TMTC4: variants seen among roughly 807,000 people sequenced by gnomAD.
TMTC4 encodes the protein protein O-mannosyl-transferase TMTC4.
In TMTC4, 65 loss-of-function variants were observed where a neutral mutation model predicts 86.0. That is an observed-to-expected ratio of 0.76 (90% CI 0.62 to 0.93). TMTC4 has a LOEUF of 0.93. Among genes scored for constraint, TMTC4 ranks in the 40% least tolerant of loss-of-function variants. The pLI, the probability that TMTC4 is intolerant of heterozygous loss-of-function variation, is 0.00. For synonymous variants in TMTC4, 379 were observed against 382.5 expected (o/e 0.99, Z 0.11); for missense variants, 866 against 948.1 (o/e 0.91, Z 1.14).
At chr13:100,615,997 G>A (rs1878423957) in intron 15 of TMTC4, among the ~76,000 whole-genome samples, 1 of 151,726 alleles carries the variant, frequency 6.6e-6, no homozygotes, top group Non-Finnish European at 1.5e-5. Flanking sequence ...TTGGTTTTCT[G>A]TTCCTGGATT....
In TMTC4 at chr13:100,612,525, T is replaced by C; in HGVS notation, c.1952-15A>G. 1 of 1,593,122 alleles carries C rather than the reference T, an allele frequency of 6.3e-7. No individual in the cohort carries two copies. The highest frequency in any genetic ancestry group is 8.6e-7 in the Non-Finnish European group (1 of 1,163,942). On this transcript the variant is annotated splice_polypyrimidine_tract_variant and intron_variant, in intron 16 of 18. Coordinates refer to ENST00000342624, the MANE Select transcript of TMTC4 (RefSeq NM_032813.5). ...GGCTAAATTACCTGGGAGTGAAAAA[T>C]GGAAAAATAAAAGACATGTTAATGT...
At chr13:100,607,288 G>A (rs1876783316) in intron 17 of TMTC4, among the ~76,000 whole-genome samples, 1 of 152,172 alleles carries the variant, frequency 6.6e-6, no homozygotes, top group South Asian at 2.1e-4. Context: ...AAGCCAAGGT[G>A]GGCAGATCAC....
rs1302468867 is a variant in TMTC4 at position 100,662,975 on chromosome 13, G to C, written c.541C>G (p.His181Asp). 1 of 1,613,764 alleles carries C rather than the reference G, an allele frequency of 6.2e-7. No homozygotes were observed. Among genetic ancestry groups the C allele is most frequent in the East Asian group, 2.2e-5 (1 of 44,904 alleles). Residue 181 changes from histidine to aspartate, a missense_variant, in exon 5 of 19, where the codon CAC (histidine) becomes GAC (aspartate). Transcript: ENST00000342624. ...CAGACGACACTTACACACTCGGTGT[G>C]CACAGGATGGACAGCAAACAGCAGC... ...AALLFAVHPV[H>D]TECVAGVVGR...
In TMTC4 at chr13:100,664,242, G is replaced by A; in HGVS notation, c.314C>T (p.Pro105Leu). 2 of 1,611,860 alleles carry A rather than the reference G, an allele frequency of 1.2e-6. No homozygotes were observed. Among genetic ancestry groups the A allele is most frequent in the Non-Finnish European group, 1.7e-6 (2 of 1,178,978 alleles). ...SSNTSHKSYRPLTVLTFRINY... is the reference protein window; with the variant it reads ...SSNTSHKSYRLLTVLTFRINY... Reference sequence around the variant, plus strand: ...TTACCTGAAAGTCAGGACGGTGAGAGGCCGGTAGGACTTGTGGCTGGTGTT... The same window carrying A: ...TTACCTGAAAGTCAGGACGGTGAGAAGCCGGTAGGACTTGTGGCTGGTGTT... Residue 105 changes from proline (P) to leucine (L), a missense_variant, in exon 4 of 19, where the codon CCT becomes CTT. Coordinates refer to ENST00000342624, the MANE Select transcript of TMTC4 (RefSeq NM_032813.5).
At chr13:100,649,790 T>TA (rs1196229544) in intron 6 of TMTC4, among the ~76,000 whole-genome samples, 1 of 151,078 alleles carries the variant, frequency 6.6e-6, no homozygotes, top group East Asian at 1.9e-4. Flanking sequence ...AATAAATAAA[T>TA]AAATAAAAAT....
chr13:100,660,188 G>A (rs961853968), intron 5 of TMTC4, among the ~76,000 whole-genome samples: 11 of 151,508 alleles, frequency 7.3e-5, no homozygotes, highest in East Asian at 2.0e-4. Context: ...AAAATTAACC[G>A]GATGTGGTGG....
chr13:100,605,050 C>G lies in TMTC4; in HGVS notation c.2227G>C (p.Glu743Gln). 1 of 1,614,068 alleles carries G rather than the reference C, an allele frequency of 6.2e-7. No homozygotes were observed. Among genetic ancestry groups the G allele is most frequent in the Non-Finnish European group, 8.5e-7 (1 of 1,179,994 alleles). Residue 743 changes from glutamate (E) to glutamine (Q), a missense_variant, in exon 19 of 19, where the codon GAG (glutamate) becomes CAG (glutamine). Transcript: ENST00000342624. This position sits in a 1 kb window ranked among gnomAD's most constrained non-coding sequence, Gnocchi z 4.3. ...TTTCTTCTCAGCAGACCGTAATTCT[C>G]CTTAGTTCCTGATGCCGTGGGGTCA... ...QLDPTASGTK[E>Q]NYGLLRRKLE... is the part of the protein sequence containing the mutation.
At chr13:100,666,534 T>G (rs1328172508) in intron 3 of TMTC4, among the ~76,000 whole-genome samples, 1 of 152,234 alleles carries the variant, frequency 6.6e-6, no homozygotes, top group Non-Finnish European at 1.5e-5. Flanking sequence ...GTGTTTTTCT[T>G]CTTCCTGGCT....
At chr13:100,639,573 T>C (rs1377408784) in intron 7 of TMTC4, among the ~76,000 whole-genome samples, 1 of 152,192 alleles carries the variant, frequency 6.6e-6, no homozygotes, top group African/African-American at 2.4e-5. Flanking sequence ...TAATCCAATT[T>C]TTGAGAATAG....
At chr13:100,639,205 A>G (rs568453096) in intron 7 of TMTC4, among the ~76,000 whole-genome samples, 2 of 152,298 alleles carry the variant, frequency 1.3e-5, no homozygotes, top group East Asian at 1.9e-4. Flanking sequence ...GTCAGTGGTA[A>G]TTTGTGGTTT....
At chr13:100,665,399 C>T (rs2139045536) in intron 3 of TMTC4, among the ~76,000 whole-genome samples, 1 of 152,322 alleles carries the variant, frequency 6.6e-6, no homozygotes, top group Admixed American at 6.5e-5. Context: ...TAACCAAACT[C>T]TGATTAATTT....
At chr13:100,606,542 C>T in intron 17 of TMTC4, 115 bp from the exon 18 acceptor site, 1 of 803,730 alleles carries the variant, frequency 1.2e-6, no homozygotes, top group Non-Finnish European at 2.0e-6. Flanking sequence ...TGTATCAATG[C>T]ATTCCTCCAG....
intron 12 of TMTC4, among the ~76,000 whole-genome samples, chr13:100,633,074 A>G (rs1182928364): frequency 6.6e-6 from 1 of 152,092 alleles, no homozygotes; most frequent in African/African-American, 2.4e-5. Flanking sequence ...GCACTTTGGG[A>G]GGCTGAGGAT....
rs1485982944 is a variant in TMTC4 at position 100,603,755 on chromosome 13, C to T, written c.*1239G>A. Among the ~76,000 whole-genome samples the T allele has an allele frequency of 6.6e-6, 1 of 151,982 alleles. No homozygotes were observed. Among genetic ancestry groups the T allele is most frequent in the African/African-American group, 2.4e-5 (1 of 41,366 alleles). The stretch of plus-strand genomic sequence containing the variant: ...TCACATTCCTCTCAGTGTGGATCTA[C>T]TCGCTCTGTTCTCTGAACTTGGAAA... On this transcript the variant is annotated 3_prime_UTR_variant, in exon 19 of 19. Coordinates refer to ENST00000342624, the MANE Select transcript of TMTC4 (RefSeq NM_032813.5).
intron 12 of TMTC4, among the ~76,000 whole-genome samples, chr13:100,633,322 A>G (rs1438059904): frequency 3.0e-5 from 2 of 66,994 alleles, no homozygotes; most frequent in South Asian, 5.3e-4. Context: ...GAAAAAAAAA[A>G]AAAAAAAAAA....
chr13:100,644,755 C>T (rs1374377758), intron 6 of TMTC4, among the ~76,000 whole-genome samples: 2 of 152,206 alleles, frequency 1.3e-5, no homozygotes, highest in Non-Finnish European at 2.9e-5. Flanking sequence ...TTTCACAAGG[C>T]CAGCTGATCG....
chr13:100,619,570 T>C (rs1196936965), intron 15 of TMTC4, among the ~76,000 whole-genome samples: 1 of 152,246 alleles, frequency 6.6e-6, no homozygotes, highest in Non-Finnish European at 1.5e-5. Context: ...TGACTTGTCC[T>C]ACGCTACACA....
chr13:100,632,459 G>T (rs893550387), intron 12 of TMTC4, among the ~76,000 whole-genome samples: 1 of 152,132 alleles, frequency 6.6e-6, no homozygotes. Flanking sequence ...CATAGAAGGG[G>T]CAATTACTGC....
intron 7 of TMTC4, among the ~76,000 whole-genome samples, chr13:100,641,884 T>C (rs1335635739): frequency 3.3e-5 from 5 of 152,198 alleles, no homozygotes; most frequent in Non-Finnish European, 5.9e-5. Flanking sequence ...TGCTGAAATA[T>C]GTACAAGCAT....
Sources: gnomAD v4.1 joint callset for allele counts (sites outside exome capture counted in the v4.1 genomes callset) on GRCh38, gnomAD v4.1.1 for gene constraint, Gnocchi (gnomAD v3.1) non-coding constraint, MANE v1.5 for transcripts, NCBI Gene and HGNC (gene_info 2026-07-23, HGNC 2026-07-21) for gene names.